The following PDE4D variants were observed in gnomAD, a reference collection of about 807,000 sequenced individuals.
PDE4D encodes 3',5'-cyclic-AMP phosphodiesterase 4D.
A neutral mutation model predicts 87.4 loss-of-function variants in PDE4D; 24 were observed. The ratio of observed to expected loss-of-function variants is 0.27; its 90% CI spans 0.20 to 0.39. The LOEUF (loss-of-function observed/expected upper bound fraction) is 0.39. PDE4D is among the 10% of genes least tolerant of loss of function. The pLI is 1.00. For missense variants in PDE4D, 714 were observed against 1,041.0 expected (o/e 0.69, Z 4.32); for synonymous variants, 384 against 383.2 (o/e 1.00, Z -0.02).
At chr5:59,492,911 A>ATTGGTC (rs1806477286) in intron 1 of PDE4D, among the ~76,000 whole-genome samples, 1 of 152,044 alleles carries the variant, frequency 6.6e-6, no homozygotes, top group African/African-American at 2.4e-5. Context: ...TCCATATAAG[A>ATTGGTC]CGCGACTTGC....
rs148632097 is a variant in PDE4D, at chr5:59,374,144, A to G, written c.456-158176T>C. On this transcript the variant is annotated intron_variant, in intron 1 of 14. Transcript: ENST00000340635. ...CAAGTCTGCAAAATAACCAGCTAAC[A>G]TCATGATGACAGAATCAAATTCACA... Among the ~76,000 whole-genome samples, 1,354 of 152,316 alleles carry G rather than the reference A, an allele frequency of 8.9e-3. 19 individuals carry two copies. Among genetic ancestry groups the G allele is most frequent in the African/African-American group, 0.03 (1,242 of 41,566 alleles).
At chr5:59,687,168 C>T (rs1288817855) in intron 1 of PDE4D, among the ~76,000 whole-genome samples, 5 of 151,996 alleles carry the variant, frequency 3.3e-5, no homozygotes, top group Admixed American at 2.6e-4. Flanking sequence ...TAACATATTC[C>T]AATGAATCAA....
At chr5:60,056,257 G>A (rs1002468225) in intron 2 of PDE4D, among the ~76,000 whole-genome samples, 17 of 152,040 alleles carry the variant, frequency 1.1e-4, no homozygotes, top group Admixed American at 9.8e-4. Context: ...ACAGAAAATC[G>A]CTGCCTATAT....
At chr5:59,351,045 A>T (rs1056606907) in intron 1 of PDE4D, among the ~76,000 whole-genome samples, 1 of 152,234 alleles carries the variant, frequency 6.6e-6, no homozygotes, top group African/African-American at 2.4e-5. Context: ...TGTATTTCAC[A>T]AAAGAAGCTT....
chr5:59,272,185 T>C (rs1179281972), intron 1 of PDE4D, among the ~76,000 whole-genome samples: 1 of 151,994 alleles, frequency 6.6e-6, no homozygotes, highest in African/African-American at 2.4e-5. Context: ...TCCTAAACAC[T>C]GTTCTGTCAG....
At position 59,678,706 on chromosome 5, in the gene PDE4D, C is replaced by T. The variant is rs114369879; in HGVS notation, c.455+214462G>A. ...TCTTAAATTTCTGACCTCAAGTGATCCGCCTTGGCCTCCCAAAGTGCTGGG... is the reference window on the plus strand; with the variant it reads ...TCTTAAATTTCTGACCTCAAGTGATTCGCCTTGGCCTCCCAAAGTGCTGGG... On this transcript the variant is annotated intron_variant, in intron 1 of 14. Transcript: ENST00000340635. Among the ~76,000 whole-genome samples, 1,400 of 152,240 alleles carry T rather than the reference C, an allele frequency of 9.2e-3. 8 individuals carry two copies. Among genetic ancestry groups the T allele is most frequent in the Middle Eastern group, 0.017 (5 of 294 alleles).
chr5:60,351,136 T>C (rs1759153025), intron 1 of PDE4D, among the ~76,000 whole-genome samples: 2 of 152,144 alleles, frequency 1.3e-5, no homozygotes, highest in South Asian at 4.1e-4. Context: ...AGAAACTCCG[T>C]TTGTGGCCCT....
intron 1 of PDE4D, among the ~76,000 whole-genome samples, chr5:59,234,772 GA>G (rs1179802071): frequency 4.6e-5 from 7 of 151,966 alleles, no homozygotes; most frequent in Non-Finnish European, 2.9e-5. Context: ...AAACTTGGGG[GA>G]AAAAAGAACC....
intron 1 of PDE4D, among the ~76,000 whole-genome samples, chr5:59,718,177 T>C (rs1326570959): frequency 1.3e-5 from 2 of 152,208 alleles, no homozygotes; most frequent in Non-Finnish European, 2.9e-5. Flanking sequence ...ATTGTTTCCA[T>C]GTTTCTGAAG....
Position 59,126,107 on chromosome 5 carries a change from A to AAAAGAG in PDE4D, c.808+54487_808+54488insCTCTTT, listed in dbSNP as rs369679211. ...TTAAGTACAATTGTAAAAAAAAAAA[A>AAAAGAG]AGAGAGAGAGAGAGAGAGAGAGAAA... is the stretch of plus-strand genomic sequence containing the variant. On this transcript the variant is annotated intron_variant, in intron 5 of 14. Transcript: ENST00000340635. 1.3e-4 allele frequency among the ~76,000 whole-genome samples: 19 copies of AAAAGAG among 148,170 alleles called. No individual in the cohort carries two copies. In the South Asian group the frequency reaches 1.5e-3, roughly 12 times the overall value.
intron 1 of PDE4D, among the ~76,000 whole-genome samples, chr5:59,892,656 C>T (rs1251815167): frequency 6.6e-6 from 1 of 152,070 alleles, no homozygotes; most frequent in African/African-American, 2.4e-5. Flanking sequence ...ATCCTGGGAC[C>T]AGGCTTTCTC....
At chr5:59,823,303 A>G (rs1769924280) in intron 1 of PDE4D, among the ~76,000 whole-genome samples, 1 of 152,080 alleles carries the variant, frequency 6.6e-6, no homozygotes, top group African/African-American at 2.4e-5. Flanking sequence ...CAATAAAGCA[A>G]TTTCCCCCAC....
At chr5:59,401,007 T>A (rs1259524792) in intron 1 of PDE4D, among the ~76,000 whole-genome samples, 2 of 152,202 alleles carry the variant, frequency 1.3e-5, no homozygotes, top group African/African-American at 2.4e-5. Flanking sequence ...AGTCTAAAAC[T>A]TTTTGGTCAC....
At chr5:59,860,098 C>A (rs1347206551) in intron 1 of PDE4D, among the ~76,000 whole-genome samples, 4 of 152,030 alleles carry the variant, frequency 2.6e-5, no homozygotes, top group African/African-American at 9.7e-5. Flanking sequence ...CTATAAGGAC[C>A]CGTCGAGTAA....
chr5:60,126,045 G>A (rs1247125480), intron 2 of PDE4D, among the ~76,000 whole-genome samples: 2 of 152,106 alleles, frequency 1.3e-5, no homozygotes, highest in Non-Finnish European at 2.9e-5. Flanking sequence ...TGAGTTAAAA[G>A]GGCGTTTGAC....
rs970171604 is a variant in PDE4D, at chr5:59,986,245, A to G, written c.272+2243T>C. On this transcript the variant is annotated intron_variant, in intron 3 of 16. Coordinates refer to the PDE4D transcript ENST00000502484. Reference sequence around the variant, plus strand: ...ATTTATTTGTGTTTTTGATAGAGACAAGGTCTTGCCATGTTGCCCAGGCTT... The same window carrying G: ...ATTTATTTGTGTTTTTGATAGAGACGAGGTCTTGCCATGTTGCCCAGGCTT... Among the ~76,000 whole-genome samples, 8 of 152,284 alleles carry G rather than the reference A, an allele frequency of 5.3e-5. No homozygotes were observed. The East Asian group carries it at 7.7e-4, about 15-fold the overall frequency.
intron 1 of PDE4D, among the ~76,000 whole-genome samples, chr5:60,349,694 C>G (rs369136168): frequency 6.6e-6 from 1 of 152,166 alleles, no homozygotes; most frequent in East Asian, 1.9e-4. Flanking sequence ...TCAAGCCATT[C>G]TTTCCAACAG....
chr5:59,292,942 T>C (rs1768330768), intron 1 of PDE4D, among the ~76,000 whole-genome samples: 1 of 152,138 alleles, frequency 6.6e-6, no homozygotes, highest in Admixed American at 6.5e-5. Context: ...CCTTGATAAT[T>C]ATGAGTTACC....
At chr5:60,411,211 T>TA (rs1173572444) in intron 1 of PDE4D, among the ~76,000 whole-genome samples, 1 of 152,180 alleles carries the variant, frequency 6.6e-6, no homozygotes, top group Non-Finnish European at 1.5e-5. Flanking sequence ...TCATTGCTGA[T>TA]AAAAAGGATA....
Sources: allele counts gnomAD v4.1 joint callset (sites outside exome capture counted in the v4.1 genomes callset), GRCh38; gene constraint gnomAD v4.1.1; transcripts MANE v1.5; gene names NCBI Gene and HGNC (gene_info 2026-07-23, HGNC 2026-07-21).